Variants in CHD7 observed in about 807,000 individuals in gnomAD.
The protein encoded by CHD7 is ATP-dependent chromatin remodeler CHD7.
Under a neutral mutation model 307.3 loss-of-function variants are expected in CHD7, and 24 were observed. The observed-to-expected ratio is 0.08, with a 90% CI of 0.06 to 0.11. The LOEUF (loss-of-function observed/expected upper bound fraction) is 0.11, where lower values mean the gene tolerates loss of function less well. CHD7 is among the 10% of genes least tolerant of loss of function. The probability of loss-of-function intolerance (pLI) is 1.00; values close to 1 mark genes in which losing one functional copy is unlikely to be tolerated. For missense variants in CHD7, 3,106 were observed against 3,727.1 expected, an observed-to-expected ratio of 0.83 and a Z score of 4.34; for synonymous variants, 1,363 against 1,349.9, an observed-to-expected ratio of 1.01 and a Z score of -0.21.
At chr8:60,679,601 G>C (rs942176462) in intron 1 of CHD7, 1 of 148,388 alleles carries the variant, frequency 6.7e-6, no homozygotes, top group Non-Finnish European at 1.5e-5. Flanking sequence ...CGATGGGCGC[G>C]CGGGCGCGGG....
At chr8:60,802,981 A>C (rs1812381685) in intron 6 of CHD7, among the ~76,000 whole-genome samples, 1 of 152,212 alleles carries the variant, frequency 6.6e-6, no homozygotes, top group Non-Finnish European at 1.5e-5. Context: ...TATAGGGGAT[A>C]CGGGGTATGG....
intron 5 of CHD7, among the ~76,000 whole-genome samples, chr8:60,801,137 C>G (rs1812291329): frequency 6.6e-6 from 1 of 151,982 alleles, no homozygotes; most frequent in South Asian, 2.1e-4. Context: ...TTTATGTGAC[C>G]TCCATAGATA....
chr8:60,862,111 T>A, intron 35 of CHD7, 85 bp from the exon 36 acceptor site: 1 of 990,090 alleles, frequency 1.0e-6, no homozygotes, highest in Non-Finnish European at 1.5e-6. Flanking sequence ...TAATTGAAGA[T>A]GATCTGACAG....
intron 2 of CHD7, among the ~76,000 whole-genome samples, chr8:60,757,167 G>A (rs1809941059): frequency 6.6e-6 from 1 of 152,116 alleles, no homozygotes; most frequent in African/African-American, 2.4e-5. Context: ...TCTGTCCAGT[G>A]GAATTTTCTG....
At chr8:60,694,546 GA>G (rs2150494904) in intron 1 of CHD7, among the ~76,000 whole-genome samples, 1 of 152,340 alleles carries the variant, frequency 6.6e-6, no homozygotes, top group Non-Finnish European at 1.5e-5. Flanking sequence ...GTGATAATGT[GA>G]AAAAAATCAC....
chr8:60,832,479 C>T (rs566106697), intron 15 of CHD7, among the ~76,000 whole-genome samples: 8 of 152,210 alleles, frequency 5.3e-5, no homozygotes, highest in Admixed American at 4.6e-4. Context: ...CTTGAGTTGG[C>T]GAGACAGAGC....
At chr8:60,814,328 G>A (rs1485548919) in intron 7 of CHD7, among the ~76,000 whole-genome samples, 1 of 152,240 alleles carries the variant, frequency 6.6e-6, no homozygotes, top group African/African-American at 2.4e-5. Context: ...GTGGTGCTTT[G>A]AAGGCTTTTG....
chr8:60,794,479 G>A (rs1370628766), intron 3 of CHD7, among the ~76,000 whole-genome samples: 1 of 152,118 alleles, frequency 6.6e-6, no homozygotes, highest in Non-Finnish European at 1.5e-5. Flanking sequence ...AAATTGCTAT[G>A]TATTTTTATT....
intron 6 of CHD7, among the ~76,000 whole-genome samples, chr8:60,803,555 GA>G: frequency 6.6e-6 from 1 of 152,120 alleles, no homozygotes; most frequent in Non-Finnish European, 1.5e-5. Flanking sequence ...TTGAGTTGAT[GA>G]ATTTGAAGCT....
intron 1 of CHD7, among the ~76,000 whole-genome samples, chr8:60,715,600 T>C (rs1297017479): frequency 1.3e-5 from 2 of 151,992 alleles, no homozygotes; most frequent in African/African-American, 4.8e-5. Flanking sequence ...ATTACAGGCG[T>C]GAGCCACCGC....
chr8:60,862,095 C>A (rs1806004511), intron 35 of CHD7, 101 bp from the exon 36 acceptor site: 6 of 905,890 alleles, frequency 6.6e-6, no homozygotes, highest in Non-Finnish European at 9.5e-6. Context: ...CTTGAAACTT[C>A]CATAATAATT....
chr8:60,794,370 A>G (rs1286580270), intron 3 of CHD7, among the ~76,000 whole-genome samples: 1 of 152,214 alleles, frequency 6.6e-6, no homozygotes, highest in Non-Finnish European at 1.5e-5. Flanking sequence ...GTCTTTCAAA[A>G]AAAGGGCTAA....
chr8:60,837,153 A>ACTAGTTG, intron 17 of CHD7, 141 bp downstream of exon 17: 1 of 645,834 alleles, frequency 1.5e-6, no homozygotes, highest in Non-Finnish European at 2.6e-6. Context: ...ATAACCAACT[A>ACTAGTTG]GTAATCTGTT....
At chr8:60,821,709 AACATATATATAC>A in intron 9 of CHD7, 69 bp from the exon 10 acceptor site, 1 of 1,133,524 alleles carries the variant, frequency 8.8e-7, no homozygotes, top group South Asian at 1.8e-5. Context: ...TATATGTATA[AACATATATATAC>A]ACATATATAT....
intron 7 of CHD7, among the ~76,000 whole-genome samples, chr8:60,810,693 A>G (rs1393479363): frequency 3.3e-5 from 5 of 152,074 alleles, no homozygotes; most frequent in African/African-American, 7.2e-5. Context: ...AGAAGCCTAT[A>G]TTTGGTTAGC....
intron 9 of CHD7, 58 bp from the exon 10 acceptor site, chr8:60,821,732 G>A (rs1422455926): frequency 2.2e-6 from 3 of 1,379,210 alleles, no homozygotes; most frequent in African/African-American, 2.9e-5. Context: ...ACATATATAT[G>A]TATATGTATG....
intron 2 of CHD7, among the ~76,000 whole-genome samples, chr8:60,744,873 T>G (rs938842793): frequency 2.0e-5 from 3 of 151,352 alleles, no homozygotes; most frequent in Non-Finnish European, 2.9e-5. Context: ...AAAATTTTTT[T>G]TTTTTTAATT....
At position 60,742,117 on chromosome 8, in the gene CHD7, A is replaced by G. The variant is rs767816305; in HGVS notation, c.685A>G (p.Thr229Ala). 12 of 1,613,744 alleles carry G rather than the reference A, an allele frequency of 7.4e-6. 1 individual carries two copies. Among genetic ancestry groups the G allele is most frequent in the African/African-American group, 1.3e-5 (1 of 74,864 alleles). Reference sequence around the variant, plus strand: ...CAATCAGGGAAATCCTTTTATTGCCACCTCAGGACCTGGCCACTTGTCCCA... The same window carrying G: ...CAATCAGGGAAATCCTTTTATTGCCGCCTCAGGACCTGGCCACTTGTCCCA... Reference protein sequence around the residue: ...GLNQGNPFIATSGPGHLSHVP... With the variant: ...GLNQGNPFIAASGPGHLSHVP... Residue 229 changes from threonine (T) to alanine (A), a missense_variant, in exon 2 of 38, where the codon ACC (threonine) becomes GCC (alanine). By Grantham distance (58) the Thr-to-Ala change is moderately conservative (BLOSUM62 0). Around this residue, in one of 10 missense-constraint regions of CHD7, gnomAD observed 998 missense variants for 1,004.5 expected, o/e 0.99. Coordinates refer to ENST00000423902, the MANE Select transcript of CHD7 (RefSeq NM_017780.4).
At chr8:60,770,511 AG>A (rs1307716346) in intron 2 of CHD7, among the ~76,000 whole-genome samples, 1 of 152,158 alleles carries the variant, frequency 6.6e-6, no homozygotes, top group Admixed American at 6.5e-5. Flanking sequence ...TCCAGCTGGA[AG>A]GAGTCATGGG....
Sources: allele counts gnomAD v4.1 joint callset (sites outside exome capture counted in the v4.1 genomes callset), GRCh38; gene constraint gnomAD v4.1.1; regional missense constraint gnomAD v4.1.1; transcripts MANE v1.5; gene names NCBI Gene and HGNC (gene_info 2026-07-23, HGNC 2026-07-21).